The following KCNS3 variants were observed in gnomAD, a reference collection of about 807,000 sequenced individuals.
KCNS3 encodes the protein potassium voltage-gated channel modifier subfamily S member 3, also known as delayed-rectifier potassium channel regulatory subunit KCNS3.
In KCNS3, 13 loss-of-function variants were observed where a neutral mutation model predicts 31.0. The ratio of observed to expected loss-of-function variants is 0.42; its 90% CI spans 0.27 to 0.67. The LOEUF (loss-of-function observed/expected upper bound fraction) is 0.67, where lower values mean the gene tolerates loss of function less well. KCNS3 is among the 30% of genes least tolerant of loss of function. KCNS3 has a pLI of 0.25. For synonymous variants in KCNS3, 238 were observed against 241.5 expected (o/e 0.99, Z 0.13); for missense variants, 545 against 622.4 (o/e 0.88, Z 1.32).
intron 1 of KCNS3, among the ~76,000 whole-genome samples, chr2:17,886,681 C>T (rs952681167): frequency 7.2e-6 from 1 of 138,116 alleles, no homozygotes; most frequent in African/African-American, 2.7e-5. Context: ...TCCATCCGTC[C>T]GTCCATCCAT....
intron 1 of KCNS3, among the ~76,000 whole-genome samples, chr2:17,898,112 G>C (rs1170573123): frequency 1.3e-5 from 2 of 152,066 alleles, no homozygotes; most frequent in Non-Finnish European, 2.9e-5. Context: ...ATGGTTGTGG[G>C]TATGTGGCTT....
At position 17,931,723 on chromosome 2, in the gene KCNS3, G is replaced by T. The variant is rs35353595; in HGVS notation, c.715G>T (p.Val239Phe). 1.9e-6 allele frequency: 3 copies of T among 1,614,022 alleles called. No individual in the cohort carries two copies. The highest frequency in any genetic ancestry group is 1.1e-5 in the South Asian group (1 of 91,066). The change falls in exon 3 of 3, where the codon GTC becomes TTC. Residue 239 changes from valine (V) to phenylalanine (F), a missense_variant. Val to Phe is a conservative substitution (Grantham distance 50). Coordinates refer to ENST00000304101, the MANE Select transcript of KCNS3 (RefSeq NM_002252.5). This position sits in a 1 kb window ranked among gnomAD's most constrained non-coding sequence, Gnocchi z 5.4. ...TGCCTGGTTCACCGGGGAGCTTGCC[G>T]TCCGGCTGGCTGCCGCTCCTTGTCA... is the stretch of plus-strand genomic sequence containing the variant. ...CIAWFTGELA[V>F]RLAAAPCQKK...
At chr2:17,895,632 A>G (rs890827548) in intron 1 of KCNS3, among the ~76,000 whole-genome samples, 1 of 152,180 alleles carries the variant, frequency 6.6e-6, no homozygotes, top group Non-Finnish European at 1.5e-5. Flanking sequence ...ATGCCACCAT[A>G]TGTCAGTGAT....
upstream of KCNS3, chr2:17,878,632 G>T (rs1674562871): frequency 6.8e-5 from 10 of 147,940 alleles, no homozygotes; most frequent in South Asian, 1.9e-3. Flanking sequence ...CGCAGCTCCC[G>T]GGAGCCTCGC....
chr2:17,926,305 C>T (rs1197573406), intron 2 of KCNS3, among the ~76,000 whole-genome samples: 1 of 152,312 alleles, frequency 6.6e-6, no homozygotes, highest in East Asian at 1.9e-4. Context: ...TTTCCAGGTG[C>T]TCAGTGCAAG....
chr2:17,897,204 G>A (rs1662048995), intron 1 of KCNS3, among the ~76,000 whole-genome samples: 1 of 152,132 alleles, frequency 6.6e-6, no homozygotes, highest in African/African-American at 2.4e-5. Flanking sequence ...CTGCATTCAT[G>A]TTGCTGCAAA....
intron 2 of KCNS3, among the ~76,000 whole-genome samples, chr2:17,921,760 G>A (rs1662708961): frequency 6.6e-6 from 1 of 151,384 alleles, no homozygotes; most frequent in Non-Finnish European, 1.5e-5. Context: ...AAAAAAGCAA[G>A]GGGAAGTCTG....
intron 1 of KCNS3, among the ~76,000 whole-genome samples, chr2:17,882,552 G>A (rs73918970): frequency 0.048 from 7,267 of 152,248 alleles, 579 homozygotes; most frequent in African/African-American, 0.16. Context: ...GGGGAACTGA[G>A]TTTGAATTTC....
rs1438856270 is a variant in KCNS3, at chr2:17,932,194, T to C, written c.1186T>C (p.Leu396=). The C allele has an allele frequency of 6.2e-7, 1 of 1,613,920 alleles. No individual in the cohort carries two copies. Among genetic ancestry groups the C allele is most frequent in the Non-Finnish European group, 8.5e-7 (1 of 1,179,972 alleles). ...CAGCACATGCATCATCTGTGGCATCTTGGTGGTGGCCCTTCCCATCACCAT... is the reference window on the plus strand; with the variant it reads ...CAGCACATGCATCATCTGTGGCATCCTGGTGGTGGCCCTTCCCATCACCAT... ...IASTCIICGI[L]VVALPITIIF... The change falls in exon 3 of 3, where the codon TTG becomes CTG. Residue 396 remains leucine, a synonymous_variant. Transcript: ENST00000304101.
chr2:17,901,131 G>A (rs894957113), intron 1 of KCNS3, among the ~76,000 whole-genome samples: 6 of 152,202 alleles, frequency 3.9e-5, no homozygotes, highest in Non-Finnish European at 8.8e-5. Context: ...AAAGAGCCAT[G>A]TGGGGACTTT....
rs372364182 is a variant in KCNS3 at position 17,892,028 on chromosome 2, C to A, written c.-252+13222C>A. Among the ~76,000 whole-genome samples the A allele has an allele frequency of 4.6e-5, 7 of 152,228 alleles. No homozygotes were observed. In the East Asian group the frequency reaches 7.7e-4, roughly 17 times the overall value. On this transcript the variant is annotated intron_variant, in intron 1 of 2. Coordinates refer to ENST00000304101, the MANE Select transcript of KCNS3 (RefSeq NM_002252.5). ...TGTTCCCCCAAATATGTTTTCCAAG[C>A]TTTTAGAATTCTCTTCTTCCTCAGG...
intron 1 of KCNS3, among the ~76,000 whole-genome samples, chr2:17,882,744 A>G (rs1674670110): frequency 6.6e-6 from 1 of 152,226 alleles, no homozygotes; most frequent in Non-Finnish European, 1.5e-5. Context: ...TCATGAACAT[A>G]ATAACAAGGC....
At chr2:17,908,728 C>G (rs1246379876) in intron 1 of KCNS3, among the ~76,000 whole-genome samples, 3 of 152,206 alleles carry the variant, frequency 2.0e-5, no homozygotes, top group Non-Finnish European at 4.4e-5. Flanking sequence ...AGGTCCACTC[C>G]AGACCCTATT....
At chr2:17,910,930 A>G (rs545670063) in intron 1 of KCNS3, among the ~76,000 whole-genome samples, 4 of 152,272 alleles carry the variant, frequency 2.6e-5, no homozygotes, top group South Asian at 2.1e-4. Context: ...GCCCAAGTCT[A>G]CCATTTTCTG....
intron 1 of KCNS3, among the ~76,000 whole-genome samples, chr2:17,893,976 A>G (rs927640350): frequency 4.9e-5 from 5 of 102,900 alleles, no homozygotes; most frequent in Non-Finnish European, 8.9e-5. Flanking sequence ...TAATATATCT[A>G]TGTATGGGGG....
At chr2:17,889,678 A>G (rs1283947203) in intron 1 of KCNS3, among the ~76,000 whole-genome samples, 1 of 152,096 alleles carries the variant, frequency 6.6e-6, no homozygotes, top group Admixed American at 6.6e-5. Flanking sequence ...GCATCTATTG[A>G]GATGATCATG....
At chr2:17,887,363 G>A (rs143570534) in intron 1 of KCNS3, among the ~76,000 whole-genome samples, 9,263 of 152,052 alleles carry the variant, frequency 0.061, 627 homozygotes, top group East Asian at 0.38. Flanking sequence ...GAGAACATAC[G>A]ATGTTTGATT....
chr2:17,895,853 G>A (rs920129227), intron 1 of KCNS3, among the ~76,000 whole-genome samples: 1 of 152,142 alleles, frequency 6.6e-6, no homozygotes, highest in East Asian at 1.9e-4. Context: ...AGGTTTGGAA[G>A]GGAGAGTGTG....
chr2:17,887,863 C>A (rs1572478460), intron 1 of KCNS3, among the ~76,000 whole-genome samples: 1 of 152,222 alleles, frequency 6.6e-6, no homozygotes, highest in East Asian at 1.9e-4. Context: ...TTATTATGGC[C>A]ATTCTTGCAG....
Sources: allele counts gnomAD v4.1 joint callset (sites outside exome capture counted in the v4.1 genomes callset), GRCh38; gene constraint gnomAD v4.1.1; non-coding constraint Gnocchi (gnomAD v3.1); transcripts MANE v1.5; gene names NCBI Gene and HGNC (gene_info 2026-07-23, HGNC 2026-07-21).